NLRP8: variants seen among roughly 807,000 people sequenced by gnomAD.
NLRP8 encodes the protein NACHT, LRR and PYD domains-containing protein 8.
Under a neutral mutation model 88.7 loss-of-function variants are expected in NLRP8, and 86 were observed. The observed-to-expected ratio is 0.97, with a 90% CI of 0.81 to 1.16. The LOEUF is 1.16. Among genes scored for constraint, NLRP8 ranks in the 50% most tolerant of loss-of-function variants. The pLI, the probability that NLRP8 is intolerant of heterozygous loss-of-function variation, is 0.00. For missense variants in NLRP8, 1,342 were observed against 1,286.5 expected (o/e 1.04, Z -0.66); for synonymous variants, 504 against 494.6 (o/e 1.02, Z -0.25).
intron 8 of NLRP8, among the ~76,000 whole-genome samples, chr19:55,978,070 A>T (rs970301967): frequency 2.6e-5 from 4 of 152,066 alleles, no homozygotes. Flanking sequence ...TGAGATTATT[A>T]TTATTTTTTT....
chr19:55,972,234 C>G (rs55713887), intron 6 of NLRP8, among the ~76,000 whole-genome samples: 1 of 151,160 alleles, frequency 6.6e-6, no homozygotes, highest in Non-Finnish European at 1.5e-5. Context: ...CCTGCCTGAG[C>G]CTTCTGAGTA....
At position 55,947,949 on chromosome 19, in the gene NLRP8, C is replaced by A. The variant is rs767885190; in HGVS notation, c.47C>A (p.Ser16Tyr). Residue 16 changes from serine to tyrosine, a missense_variant, in exon 1 of 10, where the codon TCC (serine) becomes TAC (tyrosine). Transcript: ENST00000291971. Reference sequence around the variant, plus strand: ...TCTGACACCCCCATTCCCTTTTCATCCTCCTCCACTCACAGTTCTCATATT... The same window carrying A: ...TCTGACACCCCCATTCCCTTTTCATACTCCTCCACTCACAGTTCTCATATT... 1.2e-6 allele frequency: 2 copies of A among 1,613,950 alleles called. No individual in the cohort carries two copies. The highest frequency in any genetic ancestry group is 4.5e-5 in the East Asian group (2 of 44,876).
rs147035967 is a variant in NLRP8, at chr19:55,987,876, C to A, written c.3110C>A (p.Thr1037Lys). 1 of 1,613,956 alleles carries A rather than the reference C, an allele frequency of 6.2e-7. No individual in the cohort carries two copies. The highest frequency in any genetic ancestry group is 8.5e-7 in the Non-Finnish European group (1 of 1,179,888). Residue 1037 changes from threonine (T) to lysine (K), a missense_variant, in exon 10 of 10, where the codon ACG becomes AAG. Thr to Lys is a moderately conservative substitution (Grantham distance 78, BLOSUM62 -1). Coordinates refer to ENST00000291971, the MANE Select transcript of NLRP8 (RefSeq NM_176811.2). The stretch of plus-strand genomic sequence containing the variant: ...CCAACTCCTCACCCACCCGACTTCA[C>A]GGGAAAAAGTGACTGCCTATCCCAG...
intron 7 of NLRP8, among the ~76,000 whole-genome samples, chr19:55,975,589 T>A (rs186926719): frequency 4.6e-5 from 7 of 152,360 alleles, no homozygotes; most frequent in African/African-American, 1.7e-4. Context: ...CGCAATGGAA[T>A]GTTATTTAAT....
chr19:55,954,365 G>T, intron 2 of NLRP8, 136 bp from the exon 3 acceptor site: 1 of 873,626 alleles, frequency 1.1e-6, no homozygotes, highest in East Asian at 2.6e-5. Context: ...AGCAGTATCA[G>T]GAAAGGTTAT....
rs375703605 is a variant in NLRP8 at position 55,976,114 on chromosome 19, A to G, written c.2706-19A>G. 16 of 1,567,602 alleles carry G rather than the reference A, an allele frequency of 1.0e-5. No individual in the cohort carries two copies. Among genetic ancestry groups the G allele is most frequent in the Non-Finnish European group, 1.3e-5 (15 of 1,160,694 alleles). On this transcript the variant is annotated intron_variant, in intron 7 of 9. Transcript: ENST00000291971. ...TGTAGTTGTTGTTGTTGTTGTTTTT[A>G]ACCTGTGTTTCTTTGCAGACTGAGA...
intron 3 of NLRP8, among the ~76,000 whole-genome samples, chr19:55,958,080 G>A (rs1482523588): frequency 6.6e-6 from 1 of 152,106 alleles, no homozygotes; most frequent in Non-Finnish European, 1.5e-5. Flanking sequence ...CACACATCTG[G>A]TCGAAGCTAA....
intron 6 of NLRP8, among the ~76,000 whole-genome samples, chr19:55,972,306 G>A (rs1980110217): frequency 6.6e-6 from 1 of 151,588 alleles, no homozygotes; most frequent in South Asian, 2.1e-4. Context: ...GTAGACACGG[G>A]GTTTTGCCAC....
At chr19:55,956,132 G>A (rs527907779) in intron 3 of NLRP8, 32 bp downstream of exon 3, 16 of 1,580,294 alleles carry the variant, frequency 1.0e-5, no homozygotes, top group South Asian at 3.5e-5. Context: ...TGGGTAGCCC[G>A]TCCTACCCGG....
chr19:55,955,526 A>C lies in NLRP8; in HGVS notation c.1468A>C (p.Met490Leu), dbSNP rs748223120. 2 of 1,614,208 alleles carry C rather than the reference A, an allele frequency of 1.2e-6. No individual in the cohort carries two copies. Among genetic ancestry groups the C allele is most frequent in the Non-Finnish European group, 1.7e-6 (2 of 1,180,026 alleles). The change falls in exon 3 of 10, where the codon ATG becomes CTG. Residue 490 changes from methionine to leucine, a missense_variant. Met to Leu is a conservative substitution (Grantham distance 15). Transcript: ENST00000291971. ...GACGGGAGTCACCGCCTTCCTTGGC[A>C]TGAGTATTCTTCGGAGAATTGCAGG...
intron 8 of NLRP8, among the ~76,000 whole-genome samples, chr19:55,977,505 AT>A (rs1349619981): frequency 6.9e-6 from 1 of 145,322 alleles, no homozygotes; most frequent in Admixed American, 7.1e-5. Context: ...TTATATAAAT[AT>A]ATGTATTATA....
chr19:55,976,996 T>G (rs1349386966), intron 8 of NLRP8, among the ~76,000 whole-genome samples: 1 of 148,072 alleles, frequency 6.8e-6, no homozygotes, highest in Non-Finnish European at 1.5e-5. Context: ...AGGAGAATGG[T>G]GTGAACCTGG....
intron 9 of NLRP8, among the ~76,000 whole-genome samples, chr19:55,983,567 A>G (rs1217471769): frequency 6.6e-6 from 1 of 151,966 alleles, no homozygotes; most frequent in Non-Finnish European, 1.5e-5. Context: ...CGATGTACTC[A>G]CATGAGTCTT....
chr19:55,950,729 T>C (rs868859566), intron 1 of NLRP8, among the ~76,000 whole-genome samples: 22 of 152,076 alleles, frequency 1.4e-4, no homozygotes, highest in Admixed American at 1.2e-3. Flanking sequence ...TTTTGCTGTT[T>C]AAAATAGCAC....
chr19:55,976,072 T>TGTTGTTGTTGTTTTGTTGTA (rs1292149640), intron 7 of NLRP8, 61 bp from the exon 8 acceptor site: 46 of 1,349,956 alleles, frequency 3.4e-5, no homozygotes, highest in East Asian at 2.3e-4. Context: ...TCGTTGTTGT[T>TGTTGTTGTTGTTTTGTTGTA]GTTGTTGTTG....
intron 4 of NLRP8, among the ~76,000 whole-genome samples, chr19:55,965,450 C>G (rs1243094066): frequency 7.0e-6 from 1 of 143,208 alleles, no homozygotes; most frequent in Non-Finnish European, 1.5e-5. Context: ...GACTCCATCT[C>G]ACAAGAAAAA....
intron 4 of NLRP8, 71 bp from the exon 5 acceptor site, chr19:55,966,142 G>C: frequency 6.7e-7 from 1 of 1,487,892 alleles, no homozygotes; most frequent in Non-Finnish European, 9.3e-7. Context: ...CGGGAGCCTC[G>C]TTTGTGAGGC....
chr19:55,967,677 C>G (rs973108227), intron 5 of NLRP8, among the ~76,000 whole-genome samples: 1 of 152,170 alleles, frequency 6.6e-6, no homozygotes, highest in Non-Finnish European at 1.5e-5. Flanking sequence ...GGCATCTCTT[C>G]GATGGACTGA....
At position 55,966,212 on chromosome 19, in the gene NLRP8, G is replaced by T. The variant is rs781497997; in HGVS notation, c.2214-1G>T. On this transcript the variant is annotated splice_acceptor_variant, in intron 4 of 9. Coordinates refer to ENST00000291971, the MANE Select transcript of NLRP8 (RefSeq NM_176811.2). LOFTEE classifies it high-confidence loss of function. Reference sequence around the variant, plus strand: ...CCAAGGAGACGCTCTTCCCTCTCCAGCCTAAGGCGTGTGAATAGCACCATG... The same window carrying T: ...CCAAGGAGACGCTCTTCCCTCTCCATCCTAAGGCGTGTGAATAGCACCATG... 7 of 1,613,782 alleles carry T rather than the reference G, an allele frequency of 4.3e-6. No individual in the cohort carries two copies. The highest frequency in any genetic ancestry group is 4.0e-5 in the African/African-American group (3 of 74,912).
Sources: gnomAD v4.1 joint callset for allele counts (sites outside exome capture counted in the v4.1 genomes callset) on GRCh38, gnomAD v4.1.1 for gene constraint, MANE v1.5 for transcripts, NCBI Gene and HGNC (gene_info 2026-07-23, HGNC 2026-07-21) for gene names.